The following FAM81B variants were observed in gnomAD, a reference collection of about 807,000 sequenced individuals.
The protein encoded by FAM81B is protein FAM81B.
A neutral mutation model predicts 58.7 loss-of-function variants in FAM81B; 60 were observed. The observed-to-expected ratio is 1.02, with a 90% CI of 0.83 to 1.27. The LOEUF (loss-of-function observed/expected upper bound fraction) is 1.27, where lower values mean the gene tolerates loss of function less well. Ranked by LOEUF, FAM81B falls within the 50% of genes most tolerant of loss-of-function variation. FAM81B has a pLI of 0.00. For synonymous variants in FAM81B, 189 were observed against 179.6 expected (o/e 1.05, Z -0.42); for missense variants, 491 against 522.0 (o/e 0.94, Z 0.58).
chr5:95,392,510 A>G (rs1761852943), intron 1 of FAM81B, among the ~76,000 whole-genome samples: 1 of 152,220 alleles, frequency 6.6e-6, no homozygotes, highest in Non-Finnish European at 1.5e-5. Flanking sequence ...ATTTAAAAAA[A>G]ATACATTCCT....
intron 3 of FAM81B, among the ~76,000 whole-genome samples, chr5:95,401,541 G>A (rs1036026063): frequency 2.6e-5 from 4 of 151,536 alleles, no homozygotes; most frequent in African/African-American, 9.7e-5. Context: ...CACACTCATA[G>A]ATTATTTTTG....
At chr5:95,391,630 C>A in intron 1 of FAM81B, 117 bp downstream of exon 1, 4 of 1,141,462 alleles carry the variant, frequency 3.5e-6, no homozygotes, top group South Asian at 1.9e-5. Context: ...AAGGCTTGGG[C>A]ACAACAGAGT....
chr5:95,426,564 A>G (rs1762835940), intron 5 of FAM81B, among the ~76,000 whole-genome samples: 1 of 152,198 alleles, frequency 6.6e-6, no homozygotes, highest in African/African-American at 2.4e-5. Context: ...CTACAAAGTA[A>G]CACTATTCAG....
At chr5:95,397,958 T>C (rs1031411454) in intron 3 of FAM81B, among the ~76,000 whole-genome samples, 1 of 152,194 alleles carries the variant, frequency 6.6e-6, no homozygotes, top group Non-Finnish European at 1.5e-5. Context: ...AGTTGACAGA[T>C]TTAATGGAAA....
Position 95,450,369 on chromosome 5 carries a change from GTT to G in FAM81B, c.*89_*90del. ...AGAAGAAAGTTACTATCTCTGGGAT[GTT>G]TACTGCTTCTAATGTCTCCTTTTAA... On this transcript the variant is annotated 3_prime_UTR_variant, in exon 10 of 10. Coordinates refer to ENST00000283357, the MANE Select transcript of FAM81B (RefSeq NM_152548.3). 3 of 1,574,178 alleles carry G rather than the reference GTT, an allele frequency of 1.9e-6. No homozygotes were observed. Among genetic ancestry groups the G allele is most frequent in the Non-Finnish European group, 2.6e-6 (3 of 1,166,334 alleles).
At chr5:95,393,448 G>C (rs560057506) in intron 2 of FAM81B, among the ~76,000 whole-genome samples, 1 of 143,554 alleles carries the variant, frequency 7.0e-6, no homozygotes, top group East Asian at 2.1e-4. Context: ...CATACTAGCT[G>C]TGGGACTTTG....
At chr5:95,396,281 T>C (rs1561288481) in intron 3 of FAM81B, 106 bp downstream of exon 3, 1 of 759,326 alleles carries the variant, frequency 1.3e-6, no homozygotes, top group Non-Finnish European at 2.1e-6. Context: ...CAGTCAGAGA[T>C]GAATGTACCT....
rs747530741 is a variant in FAM81B, at chr5:95,413,973, C to A, written c.320C>A (p.Pro107Gln). ...AGTCATGCTTTTCTCCCCATCATTC[C>A]AAACACCCAGAGAGGTCAGCTAGAA... ...DKSHAFLPII[P>Q]NTQRGQLEDR... Residue 107 changes from proline (P) to glutamine (Q), a missense_variant, in exon 4 of 10, where the codon CCA becomes CAA. Physicochemically the swap from Pro to Gln is moderately conservative, Grantham distance 76. Transcript: ENST00000283357. 3 of 1,613,372 alleles carry A rather than the reference C, an allele frequency of 1.9e-6. No homozygotes were observed. Among genetic ancestry groups the A allele is most frequent in the Non-Finnish European group, 2.5e-6 (3 of 1,179,762 alleles).
chr5:95,431,020 C>A (rs1409632416), intron 6 of FAM81B, among the ~76,000 whole-genome samples: 1 of 151,926 alleles, frequency 6.6e-6, no homozygotes, highest in Non-Finnish European at 1.5e-5. Context: ...ATGTCTTTTG[C>A]CTATTTCTCT....
Position 95,424,132 on chromosome 5 carries a change from A to G in FAM81B, c.656+3730A>G, listed in dbSNP as rs148050222. ...AGGAAGGAGAGAGATTTGATACTGCAAGCCTGAATAGAGGATGCTATCTAC... is the reference window on the plus strand; with the variant it reads ...AGGAAGGAGAGAGATTTGATACTGCGAGCCTGAATAGAGGATGCTATCTAC... On this transcript the variant is annotated intron_variant, in intron 5 of 9. Transcript: ENST00000283357. The G allele has an allele frequency of 3.4e-5, 44 of 1,289,838 alleles. No homozygotes were observed. In the East Asian group the frequency reaches 2.3e-3, roughly 67 times the overall value. 79.9% of individuals were successfully genotyped at this position (1,289,838 alleles called of 1,614,324 possible).
intron 2 of FAM81B, among the ~76,000 whole-genome samples, chr5:95,395,204 C>T (rs1761931367): frequency 6.6e-6 from 1 of 152,008 alleles, no homozygotes; most frequent in South Asian, 2.1e-4. Flanking sequence ...CTTCGGGAGG[C>T]TGAGGCAGGC....
chr5:95,423,444 AC>A (rs1762738781), intron 5 of FAM81B, among the ~76,000 whole-genome samples: 1 of 149,990 alleles, frequency 6.7e-6, no homozygotes, highest in Non-Finnish European at 1.5e-5. Context: ...TGGGAAGGGC[AC>A]CCCTAGGGAT....
At chr5:95,395,551 C>T (rs1761945207) in intron 2 of FAM81B, among the ~76,000 whole-genome samples, 2 of 151,516 alleles carry the variant, frequency 1.3e-5, no homozygotes, top group African/African-American at 4.8e-5. Context: ...TATCAACTTT[C>T]ATGAAAATAG....
chr5:95,406,629 C>A (rs1051374242), intron 3 of FAM81B, among the ~76,000 whole-genome samples: 2 of 152,084 alleles, frequency 1.3e-5, no homozygotes, highest in African/African-American at 4.8e-5. Flanking sequence ...CCTTCCTGAA[C>A]GGGGAGCTGG....
chr5:95,407,391 TACACAC>T (rs36079913), intron 3 of FAM81B, among the ~76,000 whole-genome samples: 3 of 139,752 alleles, frequency 2.1e-5, no homozygotes, highest in African/African-American at 8.0e-5. Context: ...TGTTCTCTTT[TACACAC>T]ACACACACAC....
chr5:95,442,888 G>A (rs1013282579), intron 7 of FAM81B, among the ~76,000 whole-genome samples: 9 of 152,074 alleles, frequency 5.9e-5, no homozygotes, highest in African/African-American at 2.2e-4. Flanking sequence ...AATAGCATAT[G>A]GTCTGTCTTA....
chr5:95,447,484 C>T (rs1348502675), intron 8 of FAM81B, among the ~76,000 whole-genome samples: 1 of 152,192 alleles, frequency 6.6e-6, no homozygotes, highest in East Asian at 1.9e-4. Context: ...CTGCAGCTGC[C>T]GAGTGGGACT....
intron 4 of FAM81B, 65 bp downstream of exon 4, chr5:95,414,255 T>C (rs1390286603): frequency 6.6e-7 from 1 of 1,510,432 alleles, no homozygotes; most frequent in East Asian, 2.3e-5. Context: ...TGATAAAGAT[T>C]ATCAACCATC....
At chr5:95,446,741 C>A in intron 8 of FAM81B, 44 bp downstream of exon 8, 1 of 1,598,684 alleles carries the variant, frequency 6.3e-7, no homozygotes, top group South Asian at 1.1e-5. Flanking sequence ...CTGCATAGTC[C>A]TTGTTAGCAG....
Sources: allele counts gnomAD v4.1 joint callset (sites outside exome capture counted in the v4.1 genomes callset), GRCh38; gene constraint gnomAD v4.1.1; transcripts MANE v1.5; gene names NCBI Gene and HGNC (gene_info 2026-07-23, HGNC 2026-07-21).